Variants in RCOR1 observed in about 807,000 individuals in gnomAD.
The protein encoded by RCOR1 is REST corepressor 1, also known as REST corepressor.
Under a neutral mutation model 64.0 loss-of-function variants are expected in RCOR1, and 12 were observed. The ratio of observed to expected loss-of-function variants is 0.19; its 90% CI spans 0.12 to 0.30. RCOR1 has a LOEUF of 0.30. RCOR1 is among the 10% of genes least tolerant of loss of function. The pLI, the probability that RCOR1 is intolerant of heterozygous loss-of-function variation, is 1.00. For missense variants in RCOR1, 502 were observed against 621.2 expected (o/e 0.81, Z 2.04); for synonymous variants, 279 against 227.2 (o/e 1.23, Z -2.05).
chr14:102,653,995 T>TCTTTCTTTC (rs1567423523), intron 2 of RCOR1, among the ~76,000 whole-genome samples: 1 of 119,112 alleles, frequency 8.4e-6, no homozygotes, highest in Admixed American at 9.2e-5. Context: ...TTTTTTTTTT[T>TCTTTCTTTC]TTTTTTTTGA....
chr14:102,696,015 A>G (rs544442325), intron 3 of RCOR1, among the ~76,000 whole-genome samples: 2 of 152,246 alleles, frequency 1.3e-5, no homozygotes, highest in Admixed American at 6.5e-5. Flanking sequence ...GCTCATAAAT[A>G]ATAAATTCTC....
At chr14:102,675,493 G>A (rs575618120) in intron 2 of RCOR1, among the ~76,000 whole-genome samples, 3 of 152,178 alleles carry the variant, frequency 2.0e-5, no homozygotes, top group African/African-American at 7.2e-5. Context: ...CAGGGGACTT[G>A]AACACAAATG....
At chr14:102,658,530 T>C in intron 2 of RCOR1, 1 of 985,328 alleles carries the variant, frequency 1.0e-6, no homozygotes, top group Non-Finnish European at 1.2e-6. Context: ...ACTTGAATTA[T>C]GGAAAGTTTT....
At chr14:102,667,191 A>G (rs1450476684) in intron 2 of RCOR1, among the ~76,000 whole-genome samples, 1 of 151,930 alleles carries the variant, frequency 6.6e-6, no homozygotes, top group Non-Finnish European at 1.5e-5. Flanking sequence ...ACAGGGCAAG[A>G]CCTTGTTTCT....
At chr14:102,676,677 G>A (rs1895169354) in intron 2 of RCOR1, among the ~76,000 whole-genome samples, 1 of 116,480 alleles carries the variant, frequency 8.6e-6, no homozygotes, top group Non-Finnish European at 1.8e-5. Context: ...TGGCTGGGCG[G>A]GGGGCTGACC....
At chr14:102,614,220 G>A (rs540603679) in intron 2 of RCOR1, among the ~76,000 whole-genome samples, 1 of 127,110 alleles carries the variant, frequency 7.9e-6, no homozygotes, top group African/African-American at 2.9e-5. Flanking sequence ...TTAAACATCT[G>A]GCTCTTTTTT....
intron 2 of RCOR1, among the ~76,000 whole-genome samples, chr14:102,604,050 A>G (rs1441535580): frequency 2.6e-5 from 4 of 152,048 alleles, no homozygotes; most frequent in African/African-American, 9.7e-5. Context: ...TGGAGACTGT[A>G]CTCAGAGATT....
At chr14:102,664,472 A>G (rs939511186) in intron 2 of RCOR1, among the ~76,000 whole-genome samples, 12 of 152,208 alleles carry the variant, frequency 7.9e-5, no homozygotes, top group African/African-American at 2.9e-4. Flanking sequence ...AATATTGCAA[A>G]TCATAGTATT....
chr14:102,642,386 G>A (rs1028101877), intron 2 of RCOR1, among the ~76,000 whole-genome samples: 3 of 152,172 alleles, frequency 2.0e-5, no homozygotes, highest in African/African-American at 7.2e-5. Context: ...AAATTGAAGC[G>A]CAGTTCAGTT....
chr14:102,724,301 T>C (rs1236150496), intron 11 of RCOR1, among the ~76,000 whole-genome samples: 3 of 152,136 alleles, frequency 2.0e-5, no homozygotes, highest in Non-Finnish European at 2.9e-5. Flanking sequence ...CCGCTAGTCA[T>C]TTAAAATGTA....
At chr14:102,627,940 A>G (rs1465856256) in intron 2 of RCOR1, among the ~76,000 whole-genome samples, 1 of 138,162 alleles carries the variant, frequency 7.2e-6, no homozygotes, top group East Asian at 2.1e-4. Flanking sequence ...AAGGGTTTAT[A>G]TATGCATAAA....
intron 2 of RCOR1, among the ~76,000 whole-genome samples, chr14:102,598,497 G>C (rs1336500781): frequency 2.0e-5 from 3 of 149,002 alleles, no homozygotes; most frequent in African/African-American, 7.4e-5. Flanking sequence ...GTCCAGGCTG[G>C]AGTGCAGTGG....
intron 3 of RCOR1, among the ~76,000 whole-genome samples, chr14:102,688,313 A>G (rs923110531): frequency 4.6e-5 from 7 of 152,128 alleles, no homozygotes; most frequent in African/African-American, 1.7e-4. Context: ...GAAATCCAGC[A>G]CTTAATTTTG....
intron 2 of RCOR1, among the ~76,000 whole-genome samples, chr14:102,660,568 C>T (rs1214343145): frequency 6.6e-6 from 1 of 152,058 alleles, no homozygotes; most frequent in Non-Finnish European, 1.5e-5. Context: ...CGGAGTCTTG[C>T]TGTGTTTCCT....
intron 4 of RCOR1, among the ~76,000 whole-genome samples, chr14:102,703,754 C>G (rs1895792977): frequency 1.3e-5 from 2 of 152,178 alleles, no homozygotes; most frequent in South Asian, 4.1e-4. Context: ...CCCATCAAGC[C>G]CATGAATAAA....
intron 2 of RCOR1, among the ~76,000 whole-genome samples, chr14:102,621,367 C>CTTTTTTTTTTTTT (rs35481023): frequency 1.3e-5 from 1 of 78,516 alleles, no homozygotes; most frequent in African/African-American, 5.1e-5. Flanking sequence ...CAGTCTTTGT[C>CTTTTTTTTTTTTT]TTTTTTTTTT....
chr14:102,606,555 A>G (rs1893510727), intron 2 of RCOR1, among the ~76,000 whole-genome samples: 1 of 151,798 alleles, frequency 6.6e-6, no homozygotes, highest in Non-Finnish European at 1.5e-5. Context: ...TCTGGGAGCT[A>G]GTGGTGTCAT....
intron 8 of RCOR1, among the ~76,000 whole-genome samples, chr14:102,716,460 C>G (rs1896071985): frequency 6.6e-6 from 1 of 152,148 alleles, no homozygotes; most frequent in Non-Finnish European, 1.5e-5. Flanking sequence ...TGACGATATT[C>G]TCTCATGTTA....
rs141619452 is a variant in RCOR1 at position 102,726,850 on chromosome 14, G to A, written c.*344G>A. 6.6e-6 allele frequency: 2 copies of A among 304,600 alleles called. No individual in the cohort carries two copies. The highest frequency in any genetic ancestry group is 2.2e-5 in the African/African-American group (1 of 45,208). The allele number at this position is 304,600 out of a possible 1,614,324, so 18.9% of individuals were successfully genotyped here. ...TTCCCAGTCAGCAGCTTCAGAGCAG[G>A]CAGTCTCCTTGGAAGGCCCGACTCT... On this transcript the variant is annotated 3_prime_UTR_variant, in exon 12 of 12. Coordinates refer to ENST00000262241, the MANE Select transcript of RCOR1 (RefSeq NM_015156.4).
Sources: allele counts gnomAD v4.1 joint callset (sites outside exome capture counted in the v4.1 genomes callset), GRCh38; gene constraint gnomAD v4.1.1; transcripts MANE v1.5; gene names NCBI Gene and HGNC (gene_info 2026-07-23, HGNC 2026-07-21).